Variants in TUNAR observed in about 807,000 individuals in gnomAD.
TUNAR encodes the protein transmembrane neural differentiation associated intracellular calcium regulator.
intron 2 of TUNAR, among the ~76,000 whole-genome samples, chr14:95,881,378 G>A (rs1251051764): frequency 6.6e-6 from 1 of 152,202 alleles, no homozygotes; most frequent in Admixed American, 6.5e-5. Flanking sequence ...GGGGTTCTGT[G>A]GGAGGTGAAC....
intron 2 of TUNAR, among the ~76,000 whole-genome samples, chr14:95,899,812 C>T (rs1889322050): frequency 6.6e-6 from 1 of 152,194 alleles, no homozygotes; most frequent in Admixed American, 6.5e-5. Flanking sequence ...CTTCCTAATA[C>T]TAGCAACTTG....
At chr14:95,885,941 C>A (rs1404125496) in intron 2 of TUNAR, among the ~76,000 whole-genome samples, 3 of 152,160 alleles carry the variant, frequency 2.0e-5, no homozygotes, top group Non-Finnish European at 4.4e-5. Flanking sequence ...TTGTCTGATC[C>A]TCTGGGCCCT....
chr14:95,912,133 G>A (rs1181184521), intron 2 of TUNAR, among the ~76,000 whole-genome samples: 1 of 152,138 alleles, frequency 6.6e-6, no homozygotes, highest in Admixed American at 6.6e-5. Flanking sequence ...TTTATATATT[G>A]ATTGCTTTGA....
Position 95,901,341 on chromosome 14 carries a change from G to A in TUNAR, c.13-21440G>A, listed in dbSNP as rs533058506. ...ATGAGTGGTCAGACTGGAAAAGCCC[G>A]AACATTCTCTTCCTCCCCAGAGAGT... On this transcript the variant is annotated intron_variant, in intron 2 of 2. Coordinates refer to ENST00000678517, the Ensembl canonical transcript of TUNAR. Among the ~76,000 whole-genome samples the A allele has an allele frequency of 3.3e-4, 50 of 152,350 alleles. No homozygotes were observed. In the South Asian group the frequency reaches 8.9e-3, roughly 27 times the overall value.
chr14:95,900,587 G>C (rs1889336848), intron 2 of TUNAR, among the ~76,000 whole-genome samples: 1 of 152,212 alleles, frequency 6.6e-6, no homozygotes, highest in South Asian at 2.1e-4. Context: ...AGGGCACAGT[G>C]CCTCCTTCTT....
chr14:95,917,386 T>C (rs921786103), intron 2 of TUNAR, among the ~76,000 whole-genome samples: 4 of 152,222 alleles, frequency 2.6e-5, no homozygotes, highest in Non-Finnish European at 5.9e-5. Context: ...AAGGCTTGTA[T>C]AAGCCTTAGA....
At chr14:95,894,742 C>G (rs186695943) in intron 2 of TUNAR, among the ~76,000 whole-genome samples, 309 of 152,350 alleles carry the variant, frequency 2.0e-3, no homozygotes, top group African/African-American at 7.0e-3. Flanking sequence ...GCCTCCTTCT[C>G]TGCATATTGC....
chr14:95,894,749 T>C (rs1889233102), intron 2 of TUNAR, among the ~76,000 whole-genome samples: 1 of 152,224 alleles, frequency 6.6e-6, no homozygotes, highest in Non-Finnish European at 1.5e-5. Context: ...TCTCTGCATA[T>C]TGCACAGCTT....
intron 2 of TUNAR, among the ~76,000 whole-genome samples, chr14:95,908,921 A>G (rs193216736): frequency 1.3e-5 from 2 of 152,274 alleles, no homozygotes; most frequent in East Asian, 1.9e-4. Context: ...AGTGGGGTCC[A>G]TGGCCCAGTG....
chr14:95,892,225 A>T (rs1444962576), intron 2 of TUNAR, among the ~76,000 whole-genome samples: 1 of 152,200 alleles, frequency 6.6e-6, no homozygotes, highest in Non-Finnish European at 1.5e-5. Context: ...GTGTTCTCCC[A>T]TCCGTGGGTT....
At chr14:95,923,125 G>C (rs1259445197) in exon 3 of TUNAR, 1 of 395,112 alleles carries the variant, frequency 2.5e-6, no homozygotes, top group East Asian at 3.6e-5. Flanking sequence ...CACACAAATA[G>C]ACCGATCCTG....
At chr14:95,892,686 T>C (rs937997200) in intron 2 of TUNAR, among the ~76,000 whole-genome samples, 15 of 152,234 alleles carry the variant, frequency 9.9e-5, no homozygotes, top group African/African-American at 3.6e-4. Flanking sequence ...AGCTGCCATG[T>C]TTCTGCAGCT....
intron 2 of TUNAR, among the ~76,000 whole-genome samples, chr14:95,885,396 A>G (rs1249356122): frequency 6.6e-6 from 1 of 152,206 alleles, no homozygotes; most frequent in Admixed American, 6.5e-5. Flanking sequence ...AACTACCTGT[A>G]GCTAATTAGA....
intron 2 of TUNAR, among the ~76,000 whole-genome samples, chr14:95,908,196 A>T (rs1413354704): frequency 6.6e-6 from 1 of 152,198 alleles, no homozygotes; most frequent in Non-Finnish European, 1.5e-5. Flanking sequence ...ATCAGAGCAG[A>T]TGCCAACAGC....
chr14:95,894,962 C>T (rs1244275876), intron 2 of TUNAR, among the ~76,000 whole-genome samples: 1 of 152,186 alleles, frequency 6.6e-6, no homozygotes, highest in Non-Finnish European at 1.5e-5. Flanking sequence ...GTGTTCATCC[C>T]AGCCACACGT....
chr14:95,908,136 C>G (rs970137661), intron 2 of TUNAR, among the ~76,000 whole-genome samples: 5 of 152,248 alleles, frequency 3.3e-5, no homozygotes, highest in Non-Finnish European at 5.9e-5. Context: ...ATCTGTCTGC[C>G]TCCTGATGCT....
At chr14:95,908,959 T>C (rs751906129) in intron 2 of TUNAR, among the ~76,000 whole-genome samples, 6 of 152,154 alleles carry the variant, frequency 3.9e-5, no homozygotes, top group Non-Finnish European at 8.8e-5. Flanking sequence ...GGGGGTGACG[T>C]TGCTGGGCTG....
chr14:95,902,895 G>T (rs1416107499), intron 2 of TUNAR, among the ~76,000 whole-genome samples: 3 of 152,136 alleles, frequency 2.0e-5, no homozygotes, highest in African/African-American at 7.2e-5. Flanking sequence ...CTCCTTTCAT[G>T]GGTGGGTCTT....
At chr14:95,909,409 G>A (rs1051473229) in intron 2 of TUNAR, among the ~76,000 whole-genome samples, 2 of 150,264 alleles carry the variant, frequency 1.3e-5, no homozygotes, top group African/African-American at 4.9e-5. Flanking sequence ...TCAGCCTCCC[G>A]AGTAGCTGGG....
Sources: gnomAD v4.1 joint callset for allele counts (sites outside exome capture counted in the v4.1 genomes callset) on GRCh38, gnomAD v4.1.1 for gene constraint, MANE v1.5 for transcripts, NCBI Gene and HGNC (gene_info 2026-07-23, HGNC 2026-07-21) for gene names.